The following CASC3 variants were observed in gnomAD, a reference collection of about 807,000 sequenced individuals.
The protein encoded by CASC3 is protein CASC3.
Under a neutral mutation model 80.5 loss-of-function variants are expected in CASC3, and 30 were observed. The ratio of observed to expected loss-of-function variants is 0.37; its 90% CI spans 0.28 to 0.51. CASC3 has a LOEUF of 0.51. Ranked by LOEUF, CASC3 falls within the 20% of genes least tolerant of loss-of-function variation. The pLI, the probability that CASC3 is intolerant of heterozygous loss-of-function variation, is 0.94. For missense variants in CASC3, 824 were observed against 922.2 expected, an observed-to-expected ratio of 0.89 and a Z score of 1.38; for synonymous variants, 312 against 333.6, an observed-to-expected ratio of 0.94 and a Z score of 0.70.
intron 3 of CASC3, among the ~76,000 whole-genome samples, chr17:40,151,500 C>A (rs776575873): frequency 6.6e-6 from 1 of 151,980 alleles, no homozygotes; most frequent in Admixed American, 6.6e-5. Flanking sequence ...GCGTAAGTCA[C>A]CACGCCTGGC....
intron 3 of CASC3, among the ~76,000 whole-genome samples, chr17:40,145,648 G>A (rs151114485): frequency 0.019 from 2,824 of 152,026 alleles, 39 homozygotes; most frequent in Middle Eastern, 0.027. Flanking sequence ...TTGAGCCTGG[G>A]AAGTGAAGGT....
Position 40,140,728 on chromosome 17 carries a change from T to G in CASC3, c.180T>G (p.His60Gln), listed in dbSNP as rs777582439. The change falls in exon 1 of 14, where the codon CAT (histidine) becomes CAG (glutamine). Residue 60 changes from histidine (H) to glutamine (Q), a missense_variant. His to Gln is a conservative substitution (Grantham distance 24). Around this residue, in one of 3 missense-constraint regions of CASC3, gnomAD observed 159 missense variants for 122.2 expected, o/e 1.30. Coordinates refer to ENST00000264645, the MANE Select transcript of CASC3 (RefSeq NM_007359.5). The stretch of plus-strand genomic sequence containing the variant: ...GCGGAGGCCGAACCGGGGCCCTTCA[T>G]CTGCGGCGGGTGGAGAGCGGGGGCG... Reference protein sequence around the residue: ...SQRGGRTGALHLRRVESGGAK... With the variant: ...SQRGGRTGALQLRRVESGGAK... 6.5e-7 allele frequency: 1 copy of G among 1,529,148 alleles called. No individual in the cohort carries two copies. The highest frequency in any genetic ancestry group is 8.8e-7 in the Non-Finnish European group (1 of 1,137,362). 94.7% of individuals were successfully genotyped at this position (1,529,148 alleles called of 1,614,324 possible).
intron 3 of CASC3, among the ~76,000 whole-genome samples, chr17:40,147,645 CAGAAAA>C (rs1483438594): frequency 6.6e-6 from 1 of 151,696 alleles, no homozygotes; most frequent in Non-Finnish European, 1.5e-5. Context: ...GACCCTGACT[CAGAAAA>C]AGAAAAAGGA....
chr17:40,154,735 G>A (rs1049568619), intron 3 of CASC3, among the ~76,000 whole-genome samples: 14 of 152,078 alleles, frequency 9.2e-5, no homozygotes, highest in African/African-American at 3.4e-4. Context: ...GATGCTTTTG[G>A]TGTTAGGTAT....
chr17:40,168,596 T>C, intron 11 of CASC3, 179 bp downstream of exon 11: 1 of 609,112 alleles, frequency 1.6e-6, no homozygotes, highest in East Asian at 2.8e-5. Context: ...GTAATGCCCA[T>C]CATCTTTATT....
intron 3 of CASC3, among the ~76,000 whole-genome samples, chr17:40,157,596 A>G (rs1355116389): frequency 1.3e-5 from 2 of 151,880 alleles, no homozygotes; most frequent in East Asian, 3.9e-4. Context: ...AATTGCTTGA[A>G]CCCAGGAGGT....
chr17:40,162,725 A>G lies in CASC3; in HGVS notation c.609A>G (p.Arg203=), dbSNP rs1257444678. 6.2e-7 allele frequency: 1 copy of G among 1,612,910 alleles called. No individual in the cohort carries two copies. Among genetic ancestry groups the G allele is most frequent in the African/African-American group, 1.3e-5 (1 of 74,754 alleles). ...LRGQTQEEEV[R]PKGRQRKLWK... ...GACACTTTTCCTTCATTTTATCCAG[A>G]CCCAAGGGGCGTCAGCGAAAGCTAT... The change falls in exon 6 of 14, where the codon AGA becomes AGG. Residue 203 remains arginine, a splice_region_variant and synonymous_variant. Transcript: ENST00000264645.
At chr17:40,158,825 G>A (rs1989217573) in intron 3 of CASC3, among the ~76,000 whole-genome samples, 2 of 152,082 alleles carry the variant, frequency 1.3e-5, no homozygotes, top group Non-Finnish European at 2.9e-5. Context: ...TTCTGGATAT[G>A]TTCTGGCTGC....
intron 3 of CASC3, among the ~76,000 whole-genome samples, chr17:40,159,923 C>G (rs188204736): frequency 6.6e-6 from 1 of 151,778 alleles, no homozygotes; most frequent in Non-Finnish European, 1.5e-5. Flanking sequence ...ACCATGTTGG[C>G]CAGGCTGGTC....
chr17:40,168,715 C>G (rs910585231), intron 11 of CASC3: 1 of 349,768 alleles, frequency 2.9e-6, no homozygotes, highest in Non-Finnish European at 5.4e-6. Flanking sequence ...CTCAGCCTCC[C>G]GAGTAGCTGG....
At chr17:40,165,087 G>GTT (rs879734079) in intron 7 of CASC3, among the ~76,000 whole-genome samples, 3 of 144,908 alleles carry the variant, frequency 2.1e-5, no homozygotes, top group Admixed American at 1.4e-4. Context: ...CGACTGGCTA[G>GTT]TTTTTTTTTT....
chr17:40,163,107 T>C (rs1989347594), intron 6 of CASC3, among the ~76,000 whole-genome samples: 1 of 151,138 alleles, frequency 6.6e-6, no homozygotes, highest in Non-Finnish European at 1.5e-5. Flanking sequence ...ACTCTTGATA[T>C]CTTTTAGAAA....
rs953030263 is a variant in CASC3, at chr17:40,160,621, G to T, written c.298-1132G>T. Among the ~76,000 whole-genome samples, 3 of 152,088 alleles carry T rather than the reference G, an allele frequency of 2.0e-5. No homozygotes were observed. The East Asian group carries it at 5.8e-4, about 29-fold the overall frequency. ...TTATCCTCTGGGCCCATTAGAGGCT[G>T]CCGCTGTTTTTTTGTTTTTTTGTTT... On this transcript the variant is annotated intron_variant, in intron 3 of 13. Transcript: ENST00000264645.
chr17:40,154,596 C>A (rs1300649301), intron 3 of CASC3, among the ~76,000 whole-genome samples: 1 of 151,822 alleles, frequency 6.6e-6, no homozygotes, highest in Non-Finnish European at 1.5e-5. Context: ...AGATGTAAGT[C>A]CCTTATCAGA....
At chr17:40,157,430 C>T (rs1181000875) in intron 3 of CASC3, among the ~76,000 whole-genome samples, 2 of 151,968 alleles carry the variant, frequency 1.3e-5, no homozygotes, top group Non-Finnish European at 2.9e-5. Context: ...AATCCCAGCA[C>T]CTCAGGAGGC....
At chr17:40,143,649 G>A (rs1183057282) in intron 3 of CASC3, among the ~76,000 whole-genome samples, 2 of 151,770 alleles carry the variant, frequency 1.3e-5, no homozygotes, top group African/African-American at 4.8e-5. Context: ...GGCCAACATG[G>A]TGAAATCTCG....
Position 40,170,584 on chromosome 17 carries a change from T to G in CASC3, c.*179T>G, listed in dbSNP as rs1226007117. The G allele has an allele frequency of 2.0e-6, 2 of 985,496 alleles. No individual in the cohort carries two copies. The highest frequency in any genetic ancestry group is 2.2e-4 in the East Asian group (2 of 8,972). The allele number at this position is 985,496 out of a possible 1,614,324, so 61.0% of individuals were successfully genotyped here. A position where few individuals can be genotyped will look rare whatever the true frequency, so the allele number is the denominator to read the frequency against. On this transcript the variant is annotated 3_prime_UTR_variant, in exon 14 of 14. Transcript: ENST00000264645. ...CCTGCCTTCCTCTGAGGACAGGCTC[T>G]AGAGAGAGGGAGAAACAAGTGGACC...
At chr17:40,146,126 C>T (rs1242179641) in intron 3 of CASC3, among the ~76,000 whole-genome samples, 3 of 151,972 alleles carry the variant, frequency 2.0e-5, no homozygotes, top group Admixed American at 6.6e-5. Flanking sequence ...ATTTTGTCCA[C>T]AGTGAAGAGA....
intron 3 of CASC3, among the ~76,000 whole-genome samples, chr17:40,157,355 AAATAAATAAATAAATT>A (rs1989175216): frequency 1.3e-5 from 2 of 149,564 alleles, no homozygotes; most frequent in East Asian, 1.9e-4. Flanking sequence ...ATAAATAAAT[AAATAAATAAATAAATT>A]AATTAATTAA....
Sources: allele counts gnomAD v4.1 joint callset (sites outside exome capture counted in the v4.1 genomes callset), GRCh38; gene constraint gnomAD v4.1.1; regional missense constraint gnomAD v4.1.1; transcripts MANE v1.5; gene names NCBI Gene and HGNC (gene_info 2026-07-23, HGNC 2026-07-21).